Variants in SLC41A3 observed in about 807,000 individuals in gnomAD.
SLC41A3 encodes SLC41A1-like 2.
A neutral mutation model predicts 45.4 loss-of-function variants in SLC41A3; 44 were observed. The observed-to-expected ratio is 0.97, with a 90% confidence interval of 0.76 to 1.25. The LOEUF is 1.25. Among genes scored for constraint, SLC41A3 ranks in the 50% most tolerant of loss-of-function variants. The pLI, the probability that SLC41A3 is intolerant of heterozygous loss-of-function variation, is 0.00. For missense variants in SLC41A3, 550 were observed against 600.6 expected (o/e 0.92, Z 0.88); for synonymous variants, 256 against 252.4 (o/e 1.01, Z -0.13).
chr3:126,099,190 A>G (rs1281054292), intron 1 of SLC41A3, among the ~76,000 whole-genome samples: 1 of 152,110 alleles, frequency 6.6e-6, no homozygotes, highest in Non-Finnish European at 1.5e-5. Context: ...GCTACTTTGC[A>G]ATTGAATCTC....
At chr3:126,067,530 GC>G in intron 2 of SLC41A3, 1 of 423,888 alleles carries the variant, frequency 2.4e-6, no homozygotes. Context: ...CCAAGGAGAG[GC>G]CACAGGAGAA....
chr3:126,045,165 C>A (rs1279653534), intron 3 of SLC41A3, among the ~76,000 whole-genome samples: 1 of 151,518 alleles, frequency 6.6e-6, no homozygotes, highest in Non-Finnish European at 1.5e-5. Context: ...TAGCTGTAAT[C>A]AATTCCATTA....
intron 9 of SLC41A3, among the ~76,000 whole-genome samples, chr3:126,010,190 T>G (rs372514936): frequency 6.6e-6 from 1 of 152,166 alleles, no homozygotes; most frequent in Non-Finnish European, 1.5e-5. Flanking sequence ...AAACACTCCA[T>G]AGGCTAGGCG....
chr3:126,027,774 G>A (rs1317157400), intron 4 of SLC41A3, among the ~76,000 whole-genome samples: 1 of 152,210 alleles, frequency 6.6e-6, no homozygotes, highest in Non-Finnish European at 1.5e-5. Flanking sequence ...AGGCCAGGCT[G>A]ATGAGGTCTC....
chr3:126,090,742 C>T (rs1945474425), intron 1 of SLC41A3, among the ~76,000 whole-genome samples: 1 of 152,192 alleles, frequency 6.6e-6, no homozygotes, highest in Non-Finnish European at 1.5e-5. Flanking sequence ...ACTACAAATG[C>T]TCTGCTGCTG....
rs191606695 is a variant in SLC41A3 at position 126,058,532 on chromosome 3, C to A, written c.274-7482G>T. Among the ~76,000 whole-genome samples, 122 of 152,246 alleles carry A rather than the reference C, an allele frequency of 8.0e-4. No homozygotes were observed. In the East Asian group the frequency reaches 0.022, roughly 27 times the overall value. Reference sequence around the variant, plus strand: ...GCCCCTACCATCTCAGTCCCACATCCACTCTGCCTGTCCCCACACCTCTCC... The same window carrying A: ...GCCCCTACCATCTCAGTCCCACATCAACTCTGCCTGTCCCCACACCTCTCC... On this transcript the variant is annotated intron_variant, in intron 2 of 10. Transcript: ENST00000360370.
intron 2 of SLC41A3, among the ~76,000 whole-genome samples, chr3:126,060,355 G>T (rs1353296975): frequency 2.0e-5 from 3 of 152,000 alleles, no homozygotes; most frequent in Non-Finnish European, 2.9e-5. Context: ...GGAGGCGGAG[G>T]TTGCGGTGAG....
Position 126,007,189 on chromosome 3 carries a change from G to T in SLC41A3, c.1291C>A (p.Arg431=). The part of the protein sequence containing the change: ...ILLYLAEVMV[R]LTWHQALDPD... ...TCCAGGGCCTGGTGCCAAGTCAGCC[G>T]AACCATCACTTCTGCGAGGTACAGC... Residue 431 remains arginine (R), a synonymous_variant, in exon 11 of 11, where the codon CGG becomes AGG. Coordinates refer to ENST00000360370, the MANE Select transcript of SLC41A3 (RefSeq NM_017836.4). 1 of 1,613,982 alleles carries T rather than the reference G, an allele frequency of 6.2e-7. No individual in the cohort carries two copies. The highest frequency in any genetic ancestry group is 8.5e-7 in the Non-Finnish European group (1 of 1,179,902).
chr3:126,081,488 C>T (rs969005236), intron 1 of SLC41A3, among the ~76,000 whole-genome samples: 2 of 152,146 alleles, frequency 1.3e-5, no homozygotes, highest in African/African-American at 4.8e-5. Flanking sequence ...TTCGGAATAG[C>T]TAGAATTCAA....
intron 4 of SLC41A3, among the ~76,000 whole-genome samples, chr3:126,027,287 C>T (rs990024960): frequency 1.2e-4 from 16 of 131,354 alleles, no homozygotes; most frequent in Non-Finnish European, 2.2e-4. Flanking sequence ...GTGAAGTCAT[C>T]GGTGATCATG....
At chr3:126,064,398 G>GC (rs938596930) in intron 2 of SLC41A3, among the ~76,000 whole-genome samples, 5 of 151,988 alleles carry the variant, frequency 3.3e-5, no homozygotes, top group Non-Finnish European at 4.4e-5. Context: ...GACAAATCTT[G>GC]CCCCCCACAT....
At chr3:126,020,895 T>G (rs552397714) in intron 6 of SLC41A3, among the ~76,000 whole-genome samples, 5,962 of 150,192 alleles carry the variant, frequency 0.04, 178 homozygotes, top group Middle Eastern at 0.072. Context: ...TGTTTAGAGT[T>G]TTTTTTTTTC....
chr3:126,072,886 A>G (rs977869648), intron 1 of SLC41A3, among the ~76,000 whole-genome samples: 1 of 152,216 alleles, frequency 6.6e-6, no homozygotes, highest in Non-Finnish European at 1.5e-5. Context: ...TGTCAACAGA[A>G]GACTGAATAA....
chr3:126,063,378 G>A lies in SLC41A3; in HGVS notation c.273+4569C>T, dbSNP rs374505406. Among the ~76,000 whole-genome samples the A allele has an allele frequency of 1.7e-4, 26 of 152,164 alleles. No individual in the cohort carries two copies. In the East Asian group the frequency reaches 3.1e-3, roughly 18 times the overall value. ...TCACGGTGGGAGCTATAGGCTTCAC[G>A]GTGGGTGCTGCCGTGTAATATGCAA... On this transcript the variant is annotated intron_variant, in intron 2 of 10. Transcript: ENST00000360370.
intron 4 of SLC41A3, among the ~76,000 whole-genome samples, chr3:126,031,383 A>T (rs972071607): frequency 4.6e-5 from 7 of 152,224 alleles, no homozygotes; most frequent in Non-Finnish European, 8.8e-5. Context: ...ATTGCAGTAT[A>T]ATCTTTCAAG....
chr3:126,099,503 G>A (rs1288740819), intron 1 of SLC41A3, among the ~76,000 whole-genome samples: 2 of 152,142 alleles, frequency 1.3e-5, no homozygotes, highest in African/African-American at 4.8e-5. Context: ...CTTGAGGTCA[G>A]GAGTTTGAGA....
chr3:126,067,681 A>G, intron 2 of SLC41A3: 1 of 538,194 alleles, frequency 1.9e-6, no homozygotes. Context: ...TAAACTTCAA[A>G]GTACATCAGA....
intron 2 of SLC41A3, among the ~76,000 whole-genome samples, chr3:126,060,275 T>C (rs1358551872): frequency 3.3e-5 from 5 of 152,060 alleles, no homozygotes; most frequent in Admixed American, 3.3e-4. Flanking sequence ...AAAAATTAGC[T>C]GGGCGTGGTG....
Position 126,016,874 on chromosome 3 carries a change from A to G in SLC41A3, c.747T>C (p.Asp249=). Residue 249 remains aspartate (D), a splice_region_variant and synonymous_variant, in exon 7 of 11, where the codon GAT becomes GAC. Transcript: ENST00000360370. The stretch of plus-strand genomic sequence containing the variant: ...AGACCAGCGGCGTCAGATACCGACT[A>G]TCTGAAAGGAGAACAGGGACACACG... The part of the protein sequence containing the change: ...LVSSFFYRHK[D]SRYLTPLVCL... The G allele has an allele frequency of 1.9e-6, 3 of 1,611,560 alleles. No homozygotes were observed. Among genetic ancestry groups the G allele is most frequent in the East Asian group, 2.2e-5 (1 of 44,830 alleles).
Sources: gnomAD v4.1 joint callset for allele counts (sites outside exome capture counted in the v4.1 genomes callset) on GRCh38, gnomAD v4.1.1 for gene constraint, MANE v1.5 for transcripts, NCBI Gene and HGNC (gene_info 2026-07-23, HGNC 2026-07-21) for gene names.